CLASP1: variants seen among roughly 807,000 people sequenced by gnomAD.
CLASP1 encodes the protein CLIP-associating protein 1.
In CLASP1, 38 loss-of-function variants were observed where a neutral mutation model predicts 192.3. The ratio of observed to expected loss-of-function variants is 0.20; its 90% CI spans 0.15 to 0.26. The LOEUF is 0.26. CLASP1 is among the 10% of genes least tolerant of loss of function. The probability of loss-of-function intolerance (pLI) is 1.00; values close to 1 mark genes in which losing one functional copy is unlikely to be tolerated. For synonymous variants in CLASP1, 691 were observed against 712.8 expected (o/e 0.97, Z 0.49); for missense variants, 1,433 against 1,932.5 (o/e 0.74, Z 4.85).
At chr2:121,543,569 G>GC (rs952468888) in intron 2 of CLASP1, among the ~76,000 whole-genome samples, 2 of 151,828 alleles carry the variant, frequency 1.3e-5, no homozygotes, top group Non-Finnish European at 2.9e-5. Flanking sequence ...AGCCCCCAGC[G>GC]CGCCAACAGG....
Position 121,546,855 on chromosome 2 carries a change from G to C in CLASP1, c.196-16530C>G, listed in dbSNP as rs556448712. On this transcript the variant is annotated intron_variant, in intron 2 of 39. Transcript: ENST00000263710. ...TCTATGAAAAAGAGGTCAGACTGCT[G>C]TTTTAAGCAGGTCCCTGATCCCATT... 1.2e-4 allele frequency among the ~76,000 whole-genome samples: 19 copies of C among 152,308 alleles called. No homozygotes were observed. The South Asian group carries it at 3.9e-3, about 32-fold the overall frequency.
At chr2:121,403,660 A>G (rs1249765601) in intron 26 of CLASP1, 1 of 444,624 alleles carries the variant, frequency 2.2e-6, no homozygotes, top group Admixed American at 2.5e-5. Flanking sequence ...TAACAATAGT[A>G]TTTAAAATCT....
intron 37 of CLASP1, 50 bp from the exon 39 acceptor site, chr2:121,348,768 C>CGA: frequency 4.8e-6 from 7 of 1,453,000 alleles, no homozygotes; most frequent in Non-Finnish European, 6.5e-6. Flanking sequence ...CCACATGAAG[C>CGA]GAAAGACCAA....
At chr2:121,618,536 T>G (rs900861060) in intron 1 of CLASP1, among the ~76,000 whole-genome samples, 9 of 152,244 alleles carry the variant, frequency 5.9e-5, no homozygotes, top group Non-Finnish European at 1.0e-4. Context: ...TAGAAGGATG[T>G]CTGATAATTA....
At chr2:121,620,025 C>T (rs567547429) in intron 1 of CLASP1, among the ~76,000 whole-genome samples, 195 of 152,074 alleles carry the variant, frequency 1.3e-3, no homozygotes, top group Non-Finnish European at 1.7e-3. Context: ...AGTTCAAGAC[C>T]AGTCTGGCCA....
At chr2:121,479,268 G>C (rs2092392307) in intron 8 of CLASP1, among the ~76,000 whole-genome samples, 1 of 151,196 alleles carries the variant, frequency 6.6e-6, no homozygotes. Flanking sequence ...CAAATGACTT[G>C]ATTTGGTATG....
chr2:121,499,786 T>C (rs950175226), intron 8 of CLASP1, among the ~76,000 whole-genome samples: 3 of 151,950 alleles, frequency 2.0e-5, no homozygotes, highest in African/African-American at 4.8e-5. Context: ...TAAGGCCTTT[T>C]TAAATAAACT....
chr2:121,337,940 A>C (rs1436434528), exon 40 of CLASP1: 1 of 29,946 alleles, frequency 3.3e-5, no homozygotes, highest in Non-Finnish European at 5.6e-5. Context: ...GTAACATGAA[A>C]AAGCCCCCCC....
chr2:121,478,827 ACAC>A (rs2092147056), intron 8 of CLASP1, among the ~76,000 whole-genome samples: 1 of 60,972 alleles, frequency 1.6e-5, no homozygotes, highest in Admixed American at 1.8e-4. Flanking sequence ...ACACAACCAC[ACAC>A]CACACACCAC....
intron 2 of CLASP1, among the ~76,000 whole-genome samples, chr2:121,573,951 T>C (rs2060215585): frequency 6.6e-6 from 1 of 152,112 alleles, no homozygotes; most frequent in South Asian, 2.1e-4. Flanking sequence ...AGTAGAGTGG[T>C]GGTTACCAGG....
At chr2:121,350,261 A>G (rs138528504) in intron 37 of CLASP1, among the ~76,000 whole-genome samples, 7 of 152,354 alleles carry the variant, frequency 4.6e-5, no homozygotes, top group African/African-American at 1.4e-4. Context: ...CAGTCATCCC[A>G]GCCCTTGTGA....
At chr2:121,339,910 GCTTAGGCAGAA>G (rs2062632142) in exon 40 of CLASP1, 1 of 152,222 alleles carries the variant, frequency 6.6e-6, no homozygotes, top group Non-Finnish European at 1.5e-5. Context: ...GAACTGAACG[GCTTAGGCAGAA>G]CTTTGAGGGG....
chr2:121,625,671 T>A (rs2068200990), intron 1 of CLASP1, among the ~76,000 whole-genome samples: 1 of 151,446 alleles, frequency 6.6e-6, no homozygotes, highest in South Asian at 2.1e-4. Flanking sequence ...TGACCTCAGG[T>A]GATCTGCCCG....
At chr2:121,445,779 C>T (rs1325873285) in intron 19 of CLASP1, among the ~76,000 whole-genome samples, 3 of 152,178 alleles carry the variant, frequency 2.0e-5, no homozygotes, top group Middle Eastern at 3.4e-3. Flanking sequence ...TACCAAAAGA[C>T]GTGAGGGCTT....
intron 37 of CLASP1, among the ~76,000 whole-genome samples, chr2:121,352,064 G>A (rs1031180580): frequency 2.6e-5 from 4 of 152,322 alleles, no homozygotes; most frequent in African/African-American, 9.6e-5. Context: ...TGTGCAGAGG[G>A]CCAGCATGAG....
chr2:121,404,749 C>G (rs2076664662), intron 25 of CLASP1, among the ~76,000 whole-genome samples: 2 of 152,170 alleles, frequency 1.3e-5, no homozygotes, highest in South Asian at 4.1e-4. Context: ...CAGAGATTTG[C>G]TCTCATTTTA....
chr2:121,533,816 CATA>C (rs536757915), intron 2 of CLASP1, among the ~76,000 whole-genome samples: 81 of 152,270 alleles, frequency 5.3e-4, no homozygotes, highest in Admixed American at 6.5e-4. Context: ...TCAGAATTCC[CATA>C]ATAAGTAGCA....
intron 2 of CLASP1, among the ~76,000 whole-genome samples, chr2:121,572,021 C>T (rs1187475851): frequency 1.3e-5 from 2 of 151,082 alleles, no homozygotes; most frequent in Non-Finnish European, 2.9e-5. Flanking sequence ...GGGAGGGAAA[C>T]TAGTTGGAAA....
chr2:121,470,649 C>CT (rs565016477), intron 8 of CLASP1: 43 of 451,888 alleles, frequency 9.5e-5, no homozygotes, highest in South Asian at 5.1e-4. Context: ...CTTTCCTACA[C>CT]TTTTTTTTGT....
Sources: gnomAD v4.1 joint callset for allele counts (sites outside exome capture counted in the v4.1 genomes callset) on GRCh38, gnomAD v4.1.1 for gene constraint, MANE v1.5 for transcripts, NCBI Gene and HGNC (gene_info 2026-07-23, HGNC 2026-07-21) for gene names.